ASIC2: variants seen among roughly 807,000 people sequenced by gnomAD.
ASIC2 encodes acid sensing ion channel subunit 2.
In ASIC2, 25 loss-of-function variants were observed where a neutral mutation model predicts 57.3. That is an observed-to-expected ratio of 0.44 (90% CI 0.32 to 0.61). The LOEUF (loss-of-function observed/expected upper bound fraction) is 0.61. Among genes scored for constraint, ASIC2 ranks in the 20% least tolerant of loss-of-function variants. The pLI is 0.06. For synonymous variants in ASIC2, 319 were observed against 307.5 expected (o/e 1.04, Z -0.39); for missense variants, 641 against 738.1 (o/e 0.87, Z 1.52).
In ASIC2 at chr17:33,400,350, G is replaced by A. The variant is rs746931231; in HGVS notation, c.556-288283C>T. Among the ~76,000 whole-genome samples the A allele has an allele frequency of 4.6e-5, 7 of 152,190 alleles. 1 individual carries two copies. Among genetic ancestry groups the A allele is most frequent in the Non-Finnish European group, 1.0e-4 (7 of 68,032 alleles). ...GTCTAAAATTTCAACAATGTGGACT[G>A]TCTTCAGACCAGTCTTCTGGTATGG... is the stretch of plus-strand genomic sequence containing the variant. On this transcript the variant is annotated intron_variant, in intron 1 of 9. Coordinates refer to the ASIC2 transcript ENST00000359872.
chr17:33,614,648 A>C (rs1216933798), intron 1 of ASIC2, among the ~76,000 whole-genome samples: 7 of 152,268 alleles, frequency 4.6e-5, no homozygotes, highest in African/African-American at 1.7e-4. Context: ...ATCAAAAAAT[A>C]CAGAAAAATA....
chr17:33,403,218 T>C (rs139448643), intron 1 of ASIC2, among the ~76,000 whole-genome samples: 135 of 152,328 alleles, frequency 8.9e-4, no homozygotes, highest in African/African-American at 3.2e-3. Flanking sequence ...CTATTCTCTT[T>C]AGCATCTTTA....
intron 1 of ASIC2, among the ~76,000 whole-genome samples, chr17:34,091,992 T>C (rs1910350147): frequency 6.6e-6 from 1 of 152,108 alleles, no homozygotes; most frequent in Non-Finnish European, 1.5e-5. Flanking sequence ...CCTACTTCCA[T>C]GGGGGTAGGA....
At chr17:33,699,266 G>A (rs1442504247) in intron 1 of ASIC2, among the ~76,000 whole-genome samples, 1 of 152,174 alleles carries the variant, frequency 6.6e-6, no homozygotes, top group Non-Finnish European at 1.5e-5. Flanking sequence ...GATGCACCCA[G>A]AATCACGTGG....
intron 1 of ASIC2, chr17:33,692,631 A>C (rs1300822207): frequency 6.6e-6 from 1 of 152,214 alleles, no homozygotes; most frequent in East Asian, 1.9e-4. Context: ...CATGAATCGG[A>C]GCTTGCAGGA....
intron 1 of ASIC2, among the ~76,000 whole-genome samples, chr17:33,630,013 G>T (rs1400554750): frequency 6.6e-6 from 1 of 152,174 alleles, no homozygotes; most frequent in East Asian, 1.9e-4. Context: ...TGTGACTCAG[G>T]TGCGGTTGCC....
At chr17:34,148,507 T>C (rs1274471459) in intron 1 of ASIC2, among the ~76,000 whole-genome samples, 1 of 152,224 alleles carries the variant, frequency 6.6e-6, no homozygotes, top group Non-Finnish European at 1.5e-5. Flanking sequence ...AAAAATCATC[T>C]ATTTTGCATT....
chr17:33,076,427 G>T (rs2141954438), intron 3 of ASIC2, among the ~76,000 whole-genome samples: 1 of 152,288 alleles, frequency 6.6e-6, no homozygotes, highest in Admixed American at 6.5e-5. Flanking sequence ...GTAAATAGCT[G>T]CATTATGCAC....
At chr17:33,655,286 C>T (rs1363593358) in intron 1 of ASIC2, among the ~76,000 whole-genome samples, 2 of 152,238 alleles carry the variant, frequency 1.3e-5, no homozygotes, top group Non-Finnish European at 2.9e-5. Flanking sequence ...AAGCACCTGG[C>T]ACAATGCCTT....
rs971640755 is a variant in ASIC2, at chr17:34,093,812, C to A, written c.555+62166G>T. Among the ~76,000 whole-genome samples the A allele has an allele frequency of 2.6e-4, 39 of 152,122 alleles. 1 individual carries two copies. The highest frequency in any genetic ancestry group is 5.9e-5 in the Non-Finnish European group (4 of 68,012). ...ACTTGGTGAGGTCTTCTCAGATAGG[C>A]AAAGACATCCAGTCTCTCCCACATA... On this transcript the variant is annotated intron_variant, in intron 1 of 9. Coordinates refer to the ASIC2 transcript ENST00000359872.
intron 1 of ASIC2, among the ~76,000 whole-genome samples, chr17:33,882,387 C>T (rs1048202645): frequency 3.9e-5 from 6 of 152,122 alleles, no homozygotes; most frequent in Admixed American, 1.3e-4. Flanking sequence ...TATCCAGAAT[C>T]TACAAAGAAC....
At chr17:33,645,462 C>G (rs970937566) in intron 1 of ASIC2, among the ~76,000 whole-genome samples, 1 of 152,188 alleles carries the variant, frequency 6.6e-6, no homozygotes, top group African/African-American at 2.4e-5. Context: ...TTGCATTGTA[C>G]TGAGAAATGA....
chr17:34,128,335 G>A (rs1025815333), intron 1 of ASIC2, among the ~76,000 whole-genome samples: 1 of 152,146 alleles, frequency 6.6e-6, no homozygotes, highest in Admixed American at 6.5e-5. Context: ...GGTGCAGGGA[G>A]CCTCATAGGA....
intron 1 of ASIC2, among the ~76,000 whole-genome samples, chr17:33,469,878 G>A (rs1033494909): frequency 6.6e-6 from 1 of 152,174 alleles, no homozygotes; most frequent in African/African-American, 2.4e-5. Context: ...AGCAGCTAAG[G>A]TATTGTGGAC....
intron 1 of ASIC2, among the ~76,000 whole-genome samples, chr17:34,123,916 C>A (rs1268837420): frequency 6.6e-6 from 1 of 152,018 alleles, no homozygotes; most frequent in African/African-American, 2.4e-5. Context: ...AACCCCATCT[C>A]TACAAAAATA....
intron 1 of ASIC2, among the ~76,000 whole-genome samples, chr17:33,241,631 C>A (rs1908510714): frequency 6.6e-6 from 1 of 152,180 alleles, no homozygotes; most frequent in Non-Finnish European, 1.5e-5. Context: ...CAAACCTGGG[C>A]AGGAAAGAGG....
intron 1 of ASIC2, among the ~76,000 whole-genome samples, chr17:33,469,650 A>G (rs1372140103): frequency 6.6e-6 from 1 of 152,194 alleles, no homozygotes; most frequent in Admixed American, 6.5e-5. Context: ...TGTGTCCCTG[A>G]ACAGAGGAAC....
At chr17:33,895,133 G>A (rs1915062906) in intron 1 of ASIC2, among the ~76,000 whole-genome samples, 1 of 151,524 alleles carries the variant, frequency 6.6e-6, no homozygotes, top group Admixed American at 6.6e-5. Context: ...GAATAAATGG[G>A]GGTTAGTGGC....
intron 1 of ASIC2, among the ~76,000 whole-genome samples, chr17:33,691,483 A>G (rs1019767279): frequency 6.6e-6 from 1 of 152,166 alleles, no homozygotes; most frequent in African/African-American, 2.4e-5. Flanking sequence ...GAGATCAATC[A>G]TGTTTGCACA....
Sources: allele counts gnomAD v4.1 joint callset (sites outside exome capture counted in the v4.1 genomes callset), GRCh38; gene constraint gnomAD v4.1.1; transcripts MANE v1.5; gene names NCBI Gene and HGNC (gene_info 2026-07-23, HGNC 2026-07-21).